Variants in CSMD1 observed in about 807,000 individuals in gnomAD.
The protein encoded by CSMD1 is CUB and Sushi multiple domains 1, also known as CUB and sushi domain-containing protein 1.
In CSMD1, 213 loss-of-function variants were observed where a neutral mutation model predicts 417.5. The observed-to-expected ratio is 0.51, with a 90% CI of 0.46 to 0.57. CSMD1 has a LOEUF of 0.57. Among genes scored for constraint, CSMD1 ranks in the 20% least tolerant of loss-of-function variants. CSMD1 has a pLI of 0.00. For synonymous variants in CSMD1, 2,862 were observed against 1,736.8 expected, an observed-to-expected ratio of 1.65 and a Z score of -16.11; for missense variants, 6,923 against 4,529.7, an observed-to-expected ratio of 1.53 and a Z score of -15.17.
At chr8:3,585,381 T>C (rs1311279189) in intron 9 of CSMD1, among the ~76,000 whole-genome samples, 1 of 152,154 alleles carries the variant, frequency 6.6e-6, no homozygotes, top group Non-Finnish European at 1.5e-5. Context: ...AACTAGGGCT[T>C]TTTCTCCCAA....
rs1804006765 is a variant in CSMD1, at chr8:4,144,726, C to T, written c.416-112627G>A. ...AAAGAGTGGAGATTTCCTCATTGAC[C>T]TCTTCCAACTTTCTAGAGACTTCTC... On this transcript the variant is annotated intron_variant, in intron 3 of 69. Coordinates refer to ENST00000635120, the MANE Select transcript of CSMD1 (RefSeq NM_033225.6). Among the ~76,000 whole-genome samples, 3 of 151,100 alleles carry T rather than the reference C, an allele frequency of 2.0e-5. 1 individual carries two copies. The highest frequency in any genetic ancestry group is 4.1e-4 in the South Asian group (2 of 4,826).
chr8:4,006,494 A>C (rs1585119945), intron 4 of CSMD1, among the ~76,000 whole-genome samples: 1 of 152,304 alleles, frequency 6.6e-6, no homozygotes, highest in Admixed American at 6.5e-5. Flanking sequence ...CAGTGAGCCA[A>C]GATCACCCCA....
At chr8:2,955,154 C>G (rs1256290173) in intron 64 of CSMD1, among the ~76,000 whole-genome samples, 1 of 152,226 alleles carries the variant, frequency 6.6e-6, no homozygotes, top group African/African-American at 2.4e-5. Flanking sequence ...TTACCACAAA[C>G]AGCATGTGGT....
At chr8:4,208,565 T>G (rs923492716) in intron 3 of CSMD1, among the ~76,000 whole-genome samples, 4 of 152,244 alleles carry the variant, frequency 2.6e-5, no homozygotes, top group African/African-American at 4.8e-5. Context: ...TTGACTTGAC[T>G]CATTCTATTT....
intron 18 of CSMD1, chr8:3,373,692 C>G (rs930307121): frequency 4.6e-5 from 7 of 152,172 alleles, no homozygotes; most frequent in Non-Finnish European, 8.8e-5. Flanking sequence ...TTATGTTAAT[C>G]TGTTTCTTCA....
rs572287372 is a variant in CSMD1, at chr8:4,206,087, T to G, written c.416-173988A>C. 2.0e-5 allele frequency among the ~76,000 whole-genome samples: 3 copies of G among 152,226 alleles called. No individual in the cohort carries two copies. In the South Asian group the frequency reaches 6.2e-4, roughly 32 times the overall value. On this transcript the variant is annotated intron_variant, in intron 3 of 69. Transcript: ENST00000635120. ...TCTTCCCAATTCAAAGGACAGAAAG[T>G]GAGTAAATAGGATAAACAACGCAGG...
At chr8:3,246,686 G>T (rs1472308262) in intron 26 of CSMD1, among the ~76,000 whole-genome samples, 1 of 152,188 alleles carries the variant, frequency 6.6e-6, no homozygotes. Context: ...TGGCCATGCT[G>T]GCCTCGAACT....
chr8:2,989,943 C>T (rs570144297), intron 54 of CSMD1, among the ~76,000 whole-genome samples: 15 of 152,272 alleles, frequency 9.9e-5, no homozygotes, highest in Middle Eastern at 3.4e-3. Context: ...GTGTCTAGCA[C>T]ATCATTTGGG....
At chr8:4,208,572 A>G (rs75492646) in intron 3 of CSMD1, among the ~76,000 whole-genome samples, 47 of 152,320 alleles carry the variant, frequency 3.1e-4, no homozygotes, top group African/African-American at 9.6e-4. Flanking sequence ...GACTCATTCT[A>G]TTTTCTTTTT....
At chr8:4,692,307 A>G (rs906385167) in intron 1 of CSMD1, among the ~76,000 whole-genome samples, 1 of 152,234 alleles carries the variant, frequency 6.6e-6, no homozygotes, top group African/African-American at 2.4e-5. Flanking sequence ...AACTCATTAA[A>G]GGAAATTTAA....
chr8:4,952,909 T>C (rs1484295137), intron 1 of CSMD1, among the ~76,000 whole-genome samples: 1 of 152,150 alleles, frequency 6.6e-6, no homozygotes, highest in Non-Finnish European at 1.5e-5. Context: ...AAATCTATAC[T>C]GAACTGATTC....
intron 6 of CSMD1, among the ~76,000 whole-genome samples, chr8:3,722,003 C>T (rs1585132695): frequency 2.0e-5 from 3 of 152,144 alleles, no homozygotes; most frequent in Admixed American, 2.0e-4. Flanking sequence ...AGCCAGTACA[C>T]ATGGGTGGAG....
rs1234429200 is a variant in CSMD1, at chr8:4,658,252, G to C, written c.86-20694C>G. ...TAAATCAACACATTCGAGAAACTCA[G>C]ATACGTGTAGGAAGGATAAACTCAA... On this transcript the variant is annotated intron_variant, in intron 1 of 69. Coordinates refer to ENST00000635120, the MANE Select transcript of CSMD1 (RefSeq NM_033225.6). Among the ~76,000 whole-genome samples the C allele has an allele frequency of 7.2e-5, 11 of 152,138 alleles. No homozygotes were observed. In the South Asian group the frequency reaches 8.3e-4, roughly 11 times the overall value.
chr8:3,127,183 G>A (rs534178745), intron 41 of CSMD1, among the ~76,000 whole-genome samples: 2 of 152,268 alleles, frequency 1.3e-5, no homozygotes, highest in East Asian at 1.9e-4. Flanking sequence ...AGCGGGGATG[G>A]GGATTGCTAC....
intron 3 of CSMD1, among the ~76,000 whole-genome samples, chr8:4,255,459 G>A (rs1294110847): frequency 6.6e-6 from 1 of 152,150 alleles, no homozygotes; most frequent in Admixed American, 6.5e-5. Flanking sequence ...ATATAAAAAT[G>A]ATTCTATAAA....
intron 5 of CSMD1, among the ~76,000 whole-genome samples, chr8:3,823,210 G>T (rs1454886363): frequency 6.6e-6 from 1 of 152,032 alleles, no homozygotes; most frequent in African/African-American, 2.4e-5. Context: ...AATATTGGTG[G>T]GTTATTAGTT....
chr8:4,762,756 G>A (rs922530417), intron 1 of CSMD1, among the ~76,000 whole-genome samples: 20 of 152,104 alleles, frequency 1.3e-4, no homozygotes, highest in African/African-American at 4.6e-4. Context: ...TGCTCCTGCA[G>A]CCTGAATCTC....
chr8:3,265,815 G>C (rs1018804271), intron 26 of CSMD1, among the ~76,000 whole-genome samples: 2 of 152,102 alleles, frequency 1.3e-5, no homozygotes, highest in African/African-American at 2.4e-5. Context: ...TTCAGACTAG[G>C]GTTTTGCTTG....
chr8:4,741,976 G>C (rs966162673), intron 1 of CSMD1, among the ~76,000 whole-genome samples: 7 of 133,130 alleles, frequency 5.3e-5, no homozygotes, highest in Admixed American at 2.5e-4. Flanking sequence ...TGGGACTATA[G>C]GTCCGCACGC....
Sources: allele counts gnomAD v4.1 joint callset (sites outside exome capture counted in the v4.1 genomes callset), GRCh38; gene constraint gnomAD v4.1.1; transcripts MANE v1.5; gene names NCBI Gene and HGNC (gene_info 2026-07-23, HGNC 2026-07-21).